MBP: variants seen among roughly 807,000 people sequenced by gnomAD.
MBP encodes myelin basic protein, also known as Golli-MBP.
A neutral mutation model predicts 35.8 loss-of-function variants in MBP; 16 were observed. The observed-to-expected ratio is 0.45, with a 90% CI of 0.30 to 0.68. MBP has a LOEUF of 0.68. Among genes scored for constraint, MBP ranks in the 30% least tolerant of loss-of-function variants. MBP has a pLI of 0.08. For synonymous variants in MBP, 143 were observed against 159.6 expected, an observed-to-expected ratio of 0.90 and a Z score of 0.78; for missense variants, 380 against 404.7, an observed-to-expected ratio of 0.94 and a Z score of 0.52.
At chr18:76,994,071 G>A (rs186435498) in intron 4 of MBP, among the ~76,000 whole-genome samples, 72 of 152,292 alleles carry the variant, frequency 4.7e-4, no homozygotes, top group African/African-American at 1.4e-3. Context: ...AGCCTTGTAC[G>A]TTCTTCTCCT....
At chr18:77,047,587 C>A (rs1266450969) in intron 3 of MBP, among the ~76,000 whole-genome samples, 2 of 152,182 alleles carry the variant, frequency 1.3e-5, no homozygotes, top group Non-Finnish European at 2.9e-5. Flanking sequence ...TGGGGATACA[C>A]TAAAAACCGT....
At chr18:77,024,459 A>G (rs565024492) in intron 3 of MBP, among the ~76,000 whole-genome samples, 17 of 152,262 alleles carry the variant, frequency 1.1e-4, no homozygotes, top group Non-Finnish European at 2.5e-4. Context: ...ACCATTTAGC[A>G]TGGCTCTGAA....
chr18:77,012,292 G>T (rs973688535), intron 4 of MBP, among the ~76,000 whole-genome samples: 1 of 152,208 alleles, frequency 6.6e-6, no homozygotes, highest in Admixed American at 6.5e-5. Flanking sequence ...GGCCCTGTGG[G>T]CACTGGCACC....
chr18:76,988,526 C>A lies in MBP; in HGVS notation c.719G>T (p.Gly240Val), dbSNP rs373339125. The stretch of plus-strand genomic sequence containing the variant: ...AAATCTGCTCAGGGACAGTCCTCTC[C>A]CCTGCATGAGGAAGACAGAGAAATA... Reference protein sequence around the residue: ...PRTPPPSQGKGRGLSLSRFSW... With the variant: ...PRTPPPSQGKVRGLSLSRFSW... The change falls in exon 7 of 9, where the codon GGG becomes GTG. Residue 240 changes from glycine to valine, a missense_variant and splice_region_variant. Coordinates refer to ENST00000355994, the MANE Select transcript of MBP (RefSeq NM_001025101.2). This position sits in a 1 kb window ranked among gnomAD's most constrained non-coding sequence, Gnocchi z 5.2. 1 of 1,611,998 alleles carries A rather than the reference C, an allele frequency of 6.2e-7. No individual in the cohort carries two copies. Among genetic ancestry groups the A allele is most frequent in the East Asian group, 2.2e-5 (1 of 44,846 alleles).
At chr18:77,100,508 GGTGTGTGT>G (rs57715344) in intron 2 of MBP, among the ~76,000 whole-genome samples, 76,318 of 133,396 alleles carry the variant, frequency 0.57, 22,113 homozygotes, top group Admixed American at 0.72. Context: ...TAGAATTTGG[GGTGTGTGT>G]GTGTGTGTGT....
At chr18:77,095,858 G>A (rs911016636) in intron 2 of MBP, among the ~76,000 whole-genome samples, 1 of 152,112 alleles carries the variant, frequency 6.6e-6, no homozygotes, top group Non-Finnish European at 1.5e-5. Context: ...GTCAGCACCC[G>A]CCATGTGCAC....
chr18:76,985,858 T>C, intron 7 of MBP: 1 of 988,834 alleles, frequency 1.0e-6, no homozygotes, highest in Non-Finnish European at 1.2e-6. Flanking sequence ...CCAGCTGTCA[T>C]TTATGGAAGA....
At chr18:77,038,295 T>C (rs897201514) in intron 3 of MBP, among the ~76,000 whole-genome samples, 3 of 152,262 alleles carry the variant, frequency 2.0e-5, no homozygotes, top group Non-Finnish European at 4.4e-5. Flanking sequence ...ATAATTCAGA[T>C]GCATAACAAG....
intron 8 of MBP, chr18:76,983,447 A>T (rs1048217071): frequency 6.6e-6 from 1 of 152,208 alleles, no homozygotes; most frequent in Non-Finnish European, 1.5e-5. Flanking sequence ...GGGTTCAGAC[A>T]CTGCTCCCCG....
intron 2 of MBP, among the ~76,000 whole-genome samples, chr18:77,093,758 C>T (rs11662430): frequency 2.0e-5 from 3 of 152,102 alleles, no homozygotes; most frequent in South Asian, 2.1e-4. Flanking sequence ...GAAATTCCCA[C>T]GGGCGGGCGC....
chr18:77,095,387 C>T (rs1975715841), intron 2 of MBP: 1 of 152,328 alleles, frequency 6.6e-6, no homozygotes, highest in East Asian at 1.9e-4. Context: ...AGAAATTTTA[C>T]ACGTACAGAT....
chr18:77,083,586 A>G (rs891084555), intron 2 of MBP, among the ~76,000 whole-genome samples: 1 of 152,226 alleles, frequency 6.6e-6, no homozygotes, highest in Admixed American at 6.5e-5. Flanking sequence ...ATAAACACAA[A>G]CATCTACCAA....
chr18:77,063,979 G>A (rs981535788), intron 3 of MBP, among the ~76,000 whole-genome samples: 4 of 151,762 alleles, frequency 2.6e-5, no homozygotes, highest in African/African-American at 9.7e-5. Flanking sequence ...AATCTCAAAA[G>A]CAATTAGCTA....
chr18:77,017,204 C>G lies in MBP; in HGVS notation c.204G>C (p.Lys68Asn), dbSNP rs1216909565. ...AGGCATTCTTCGGGTCCGCTGTGCG[C>G]TTGGAGTCAGTCACCGCTGTGTCCT... Reference protein sequence around the residue: ...SSQDTAVTDSKRTADPKNAWQ... With the variant: ...SSQDTAVTDSNRTADPKNAWQ... The change falls in exon 4 of 9, where the codon AAG becomes AAC. Residue 68 changes from lysine (K) to asparagine (N), a missense_variant. Physicochemically the swap from Lys to Asn is moderately conservative, Grantham distance 94. Coordinates refer to ENST00000355994, the MANE Select transcript of MBP (RefSeq NM_001025101.2). The G allele has an allele frequency of 6.5e-7, 1 of 1,530,252 alleles. No individual in the cohort carries two copies. Among genetic ancestry groups the G allele is most frequent in the South Asian group, 1.3e-5 (1 of 78,070 alleles). 94.8% of individuals were successfully genotyped at this position (1,530,252 alleles called of 1,614,324 possible). A position where few individuals can be genotyped will look rare whatever the true frequency, so the allele number is the denominator to read the frequency against.
At chr18:77,005,510 C>T (rs1041644335) in intron 4 of MBP, 1 of 152,198 alleles carries the variant, frequency 6.6e-6, no homozygotes, top group Non-Finnish European at 1.5e-5. Flanking sequence ...GGCTCAGAGA[C>T]GTCTGTTTCC....
chr18:77,007,202 C>T (rs140386318), intron 4 of MBP, among the ~76,000 whole-genome samples: 45 of 152,366 alleles, frequency 3.0e-4, no homozygotes, highest in African/African-American at 8.2e-4. Flanking sequence ...TTCCTTCTTC[C>T]GTGGCTGGTG....
At chr18:77,081,454 T>G (rs185482795) in intron 2 of MBP, among the ~76,000 whole-genome samples, 1 of 151,994 alleles carries the variant, frequency 6.6e-6, no homozygotes, top group Admixed American at 6.6e-5. Context: ...CATGAAAAAA[T>G]GCTCAACGTT....
intron 3 of MBP, among the ~76,000 whole-genome samples, chr18:77,036,076 G>C (rs1240675001): frequency 1.3e-5 from 2 of 152,080 alleles, no homozygotes; most frequent in Admixed American, 6.6e-5. Flanking sequence ...AGCTGAGCAA[G>C]TGCTGGTCAC....
intron 4 of MBP, chr18:77,015,844 T>C (rs569496406): frequency 2.9e-4 from 287 of 985,460 alleles, no homozygotes; most frequent in Middle Eastern, 1.0e-3. Flanking sequence ...GTTCCACACT[T>C]TATTCAAAAG....
Sources: allele counts gnomAD v4.1 joint callset (sites outside exome capture counted in the v4.1 genomes callset), GRCh38; gene constraint gnomAD v4.1.1; non-coding constraint Gnocchi (gnomAD v3.1); transcripts MANE v1.5; gene names NCBI Gene and HGNC (gene_info 2026-07-23, HGNC 2026-07-21).